PTPRK: variants seen among roughly 807,000 people sequenced by gnomAD.
PTPRK encodes receptor-type tyrosine-protein phosphatase kappa.
PTPRK carries 75 observed loss-of-function variants against 178.0 expected under a neutral mutation model. The observed-to-expected ratio is 0.42, with a 90% confidence interval of 0.35 to 0.51. PTPRK has a LOEUF of 0.51. PTPRK is among the 20% of genes least tolerant of loss of function. PTPRK has a pLI of 0.02. For missense variants in PTPRK, 1,441 were observed against 1,797.8 expected, an observed-to-expected ratio of 0.80 and a Z score of 3.59; for synonymous variants, 637 against 620.6, an observed-to-expected ratio of 1.03 and a Z score of -0.39.
At chr6:128,098,484 G>A (rs546373892) in intron 7 of PTPRK, among the ~76,000 whole-genome samples, 10 of 152,118 alleles carry the variant, frequency 6.6e-5, no homozygotes, top group South Asian at 2.1e-4. Flanking sequence ...TACCCGAGTC[G>A]TACCAGCAGA....
chr6:128,169,783 ATGTGTGTGTGTGTGT>A (rs1187424255), intron 7 of PTPRK, among the ~76,000 whole-genome samples: 1 of 145,434 alleles, frequency 6.9e-6, no homozygotes, highest in East Asian at 2.0e-4. Flanking sequence ...TATTTTTTTA[ATGTGTGTGTGTGTGT>A]GTGTGTGTGT....
intron 7 of PTPRK, among the ~76,000 whole-genome samples, chr6:128,163,486 G>A (rs1165080180): frequency 1.3e-5 from 2 of 151,326 alleles, no homozygotes; most frequent in Admixed American, 1.3e-4. Context: ...ATAACTTTAT[G>A]CATGGTGGCA....
intron 13 of PTPRK, among the ~76,000 whole-genome samples, chr6:128,021,361 G>A (rs1371847855): frequency 6.6e-6 from 1 of 152,212 alleles, no homozygotes; most frequent in Non-Finnish European, 1.5e-5. Flanking sequence ...CTTCAGCCGG[G>A]CGCAGTGGCT....
chr6:128,104,595 C>A (rs1256436786), intron 7 of PTPRK, among the ~76,000 whole-genome samples: 2 of 152,194 alleles, frequency 1.3e-5, no homozygotes, highest in Non-Finnish European at 2.9e-5. Flanking sequence ...TGATAAATAA[C>A]TGACTGAATA....
chr6:128,140,315 G>A, intron 7 of PTPRK, among the ~76,000 whole-genome samples: 1 of 151,864 alleles, frequency 6.6e-6, no homozygotes, highest in East Asian at 1.9e-4. Flanking sequence ...AGTGGCCTTT[G>A]AAAATTAAAA....
At chr6:128,227,612 G>C (rs2128277296) in intron 5 of PTPRK, among the ~76,000 whole-genome samples, 1 of 152,136 alleles carries the variant, frequency 6.6e-6, no homozygotes. Flanking sequence ...TAACTTAAAA[G>C]TATCAAGATC....
Position 128,423,983 on chromosome 6 carries a change from G to A in PTPRK, c.101-26295C>T, listed in dbSNP as rs536083660. Among the ~76,000 whole-genome samples, 19 of 151,602 alleles carry A rather than the reference G, an allele frequency of 1.3e-4. No individual in the cohort carries two copies. The South Asian group carries it at 3.7e-3, about 30-fold the overall frequency. The stretch of plus-strand genomic sequence containing the variant: ...CACCTGTAATCCCAGCACTTTGGGA[G>A]ACAAAGGCAGGAGGATTGCTTGAGG... On this transcript the variant is annotated intron_variant, in intron 1 of 29. Transcript: ENST00000368226.
intron 5 of PTPRK, chr6:128,238,293 C>A: frequency 5.7e-6 from 2 of 347,840 alleles, no homozygotes; most frequent in South Asian, 2.2e-5. Context: ...ACAAAAATGG[C>A]AGGAGGAACA....
intron 7 of PTPRK, among the ~76,000 whole-genome samples, chr6:128,142,872 T>C (rs955996657): frequency 2.6e-5 from 4 of 152,100 alleles, no homozygotes; most frequent in Non-Finnish European, 5.9e-5. Flanking sequence ...TAGGGCATGC[T>C]ATATTTTAAA....
intron 1 of PTPRK, among the ~76,000 whole-genome samples, chr6:128,427,256 CTTT>C (rs1844256045): frequency 6.6e-6 from 1 of 152,164 alleles, no homozygotes; most frequent in Non-Finnish European, 1.5e-5. Context: ...AATAAGAATA[CTTT>C]AAGAGGTGTT....
chr6:128,448,532 C>T (rs967049413), intron 1 of PTPRK, among the ~76,000 whole-genome samples: 1 of 152,146 alleles, frequency 6.6e-6, no homozygotes, highest in Admixed American at 6.5e-5. Context: ...CCTCAGCACT[C>T]AGCACAAAGC....
chr6:128,469,410 G>A (rs1349326933), intron 1 of PTPRK, among the ~76,000 whole-genome samples: 1 of 152,022 alleles, frequency 6.6e-6, no homozygotes, highest in Non-Finnish European at 1.5e-5. Flanking sequence ...GAAACAAAAT[G>A]CTGGCCATTT....
chr6:128,447,611 C>A (rs950611476), intron 1 of PTPRK, among the ~76,000 whole-genome samples: 1 of 150,316 alleles, frequency 6.7e-6, no homozygotes, highest in African/African-American at 2.4e-5. Context: ...TTTGAGTGTG[C>A]AGATTCAAAA....
At chr6:128,121,950 T>C (rs558906274) in intron 7 of PTPRK, among the ~76,000 whole-genome samples, 1 of 152,284 alleles carries the variant, frequency 6.6e-6, no homozygotes, top group East Asian at 1.9e-4. Flanking sequence ...CATGTTTCTC[T>C]AGTGTTCAGA....
At chr6:128,505,008 G>C (rs1035232898) in intron 1 of PTPRK, among the ~76,000 whole-genome samples, 1 of 151,772 alleles carries the variant, frequency 6.6e-6, no homozygotes, top group East Asian at 2.0e-4. Flanking sequence ...AAATTTAGAT[G>C]TGCCATAGAA....
At chr6:128,180,145 C>T (rs1056437930) in intron 7 of PTPRK, among the ~76,000 whole-genome samples, 1 of 151,936 alleles carries the variant, frequency 6.6e-6, no homozygotes, top group Non-Finnish European at 1.5e-5. Context: ...AAGCAGAAGG[C>T]AATTTAAAAG....
intron 1 of PTPRK, among the ~76,000 whole-genome samples, chr6:128,436,000 ATAT>A (rs754906119): frequency 0.053 from 7,416 of 141,160 alleles, 226 homozygotes; most frequent in Non-Finnish European, 0.061. Context: ...GAAAAAAAAA[ATAT>A]ATATATATAT....
intron 4 of PTPRK, chr6:128,241,227 C>A: frequency 1.9e-6 from 1 of 533,276 alleles, no homozygotes; most frequent in Non-Finnish European, 3.8e-6. Flanking sequence ...ACTTACCTCT[C>A]AGGAAGAGAT....
intron 17 of PTPRK, among the ~76,000 whole-genome samples, chr6:127,996,496 G>C (rs1777166000): frequency 6.6e-6 from 1 of 152,158 alleles, no homozygotes; most frequent in Admixed American, 6.5e-5. Context: ...TTTTGAGACA[G>C]AGTCTCGCTT....
Sources: allele counts gnomAD v4.1 joint callset (sites outside exome capture counted in the v4.1 genomes callset), GRCh38; gene constraint gnomAD v4.1.1; transcripts MANE v1.5; gene names NCBI Gene and HGNC (gene_info 2026-07-23, HGNC 2026-07-21).